The following RHBDL3 variants were observed in gnomAD, a reference collection of about 807,000 sequenced individuals.
The protein encoded by RHBDL3 is rhomboid like 3.
RHBDL3 carries 28 observed loss-of-function variants against 48.2 expected under a neutral mutation model. That is an observed-to-expected ratio of 0.58 (90% CI 0.43 to 0.80). The LOEUF is 0.80. Among genes scored for constraint, RHBDL3 ranks in the 30% least tolerant of loss-of-function variants. The probability of loss-of-function intolerance (pLI) is 0.00; values close to 1 mark genes in which losing one functional copy is unlikely to be tolerated. For synonymous variants in RHBDL3, 208 were observed against 232.3 expected (o/e 0.90, Z 0.95); for missense variants, 464 against 542.7 (o/e 0.85, Z 1.44).
At chr17:32,310,721 AT>A (rs1467460215) in intron 7 of RHBDL3, among the ~76,000 whole-genome samples, 40,180 of 100,612 alleles carry the variant, frequency 0.4, 7,520 homozygotes, top group Non-Finnish European at 0.46. Context: ...TAAAAAAAAT[AT>A]ATATATAAAA....
At position 32,322,078 on chromosome 17, in the gene RHBDL3, G is replaced by A. The variant is rs914298925; in HGVS notation, c.*849G>A. The A allele has an allele frequency of 3.3e-5, 5 of 153,074 alleles. No homozygotes were observed. Among genetic ancestry groups the A allele is most frequent in the African/African-American group, 9.7e-5 (4 of 41,428 alleles). 9.5% of individuals were successfully genotyped at this position (153,074 alleles called of 1,614,324 possible). A position where few individuals can be genotyped will look rare whatever the true frequency, so the allele number is the denominator to read the frequency against. The stretch of plus-strand genomic sequence containing the variant: ...CCTTTTGCTGCCCTGACACTACTTT[G>A]TGCCTCTCTTTGGTTATGGAGACAG... On this transcript the variant is annotated 3_prime_UTR_variant, in exon 9 of 9. Coordinates refer to ENST00000269051, the MANE Select transcript of RHBDL3 (RefSeq NM_138328.3).
chr17:32,321,350 C>G lies in RHBDL3; in HGVS notation c.*121C>G. The G allele has an allele frequency of 6.4e-7, 1 of 1,551,010 alleles. No homozygotes were observed. Among genetic ancestry groups the G allele is most frequent in the South Asian group, 1.2e-5 (1 of 85,224 alleles). The stretch of plus-strand genomic sequence containing the variant: ...GCAGACAAGGACAGAAGACTCTGGG[C>G]CACTGTAATGTTTGTGTTTAGATTT... On this transcript the variant is annotated 3_prime_UTR_variant, in exon 9 of 9. Coordinates refer to ENST00000269051, the MANE Select transcript of RHBDL3 (RefSeq NM_138328.3).
chr17:32,318,325 T>TAAA (rs756087293), intron 8 of RHBDL3, among the ~76,000 whole-genome samples: 59 of 144,740 alleles, frequency 4.1e-4, no homozygotes, highest in African/African-American at 1.5e-3. Context: ...GACCTTGCCT[T>TAAA]AAAAAAAAAA....
chr17:32,298,356 C>G, intron 6 of RHBDL3, 152 bp downstream of exon 6: 1 of 571,014 alleles, frequency 1.8e-6, no homozygotes, highest in South Asian at 2.2e-5. Context: ...TCCAGGCACA[C>G]CCACCTCCCT....
chr17:32,308,155 A>T (rs2040754172), intron 7 of RHBDL3, among the ~76,000 whole-genome samples: 1 of 152,176 alleles, frequency 6.6e-6, no homozygotes, highest in Non-Finnish European at 1.5e-5. Context: ...TCTGTCAAGT[A>T]GCCCATGGCC....
chr17:32,321,655 C>T lies in RHBDL3; in HGVS notation c.*426C>T, dbSNP rs2041137685. The T allele has an allele frequency of 1.6e-5, 5 of 310,622 alleles. No individual in the cohort carries two copies. The highest frequency in any genetic ancestry group is 1.6e-4 in the South Asian group (5 of 31,828). The allele number at this position is 310,622 out of a possible 1,614,324, so 19.2% of individuals were successfully genotyped here. ...AAGGTTGTTGCGTCCAGGCATGGCC[C>T]CTCTCTAGCTCAGAAATAATTGCAG... On this transcript the variant is annotated 3_prime_UTR_variant, in exon 9 of 9. Coordinates refer to ENST00000269051, the MANE Select transcript of RHBDL3 (RefSeq NM_138328.3).
intron 7 of RHBDL3, among the ~76,000 whole-genome samples, chr17:32,311,022 C>T (rs1012421677): frequency 9.2e-5 from 14 of 152,042 alleles, no homozygotes; most frequent in African/African-American, 2.9e-4. Flanking sequence ...CACAAGAAAC[C>T]GTTTCTACCA....
intron 2 of RHBDL3, among the ~76,000 whole-genome samples, chr17:32,272,219 C>T (rs1249240361): frequency 6.6e-6 from 1 of 152,212 alleles, no homozygotes; most frequent in Non-Finnish European, 1.5e-5. Context: ...AGATCCAGGC[C>T]CCTACGGGGA....
intron 2 of RHBDL3, among the ~76,000 whole-genome samples, chr17:32,271,178 T>C (rs1205146388): frequency 3.3e-5 from 5 of 152,246 alleles, no homozygotes; most frequent in Admixed American, 2.0e-4. Context: ...TATGCCCTTT[T>C]ATTTCCTACT....
Position 32,298,077 on chromosome 17 carries a change from G to C in RHBDL3, c.669-15G>C. The C allele has an allele frequency of 6.5e-7, 1 of 1,535,886 alleles. No homozygotes were observed. The highest frequency in any genetic ancestry group is 9.0e-7 in the Non-Finnish European group (1 of 1,110,244). On this transcript the variant is annotated splice_polypyrimidine_tract_variant and intron_variant, in intron 5 of 8. Coordinates refer to ENST00000269051, the MANE Select transcript of RHBDL3 (RefSeq NM_138328.3). ...ATGAATAGATGAATGAGTGAGTGTG[G>C]TCTCTCTGTCACAGGATAGAACACC...
intron 6 of RHBDL3, among the ~76,000 whole-genome samples, chr17:32,298,799 C>G (rs2040514953): frequency 2.0e-5 from 3 of 152,244 alleles, no homozygotes; most frequent in African/African-American, 7.2e-5. Flanking sequence ...AGGCAGTGAG[C>G]CCTGGCTCCA....
chr17:32,293,725 C>G (rs1309686331), intron 4 of RHBDL3, among the ~76,000 whole-genome samples: 1 of 152,128 alleles, frequency 6.6e-6, no homozygotes, highest in African/African-American at 2.4e-5. Flanking sequence ...TCAAAATCCT[C>G]CAAATCCTTT....
At chr17:32,279,432 G>T (rs758763365) in intron 2 of RHBDL3, among the ~76,000 whole-genome samples, 1 of 152,094 alleles carries the variant, frequency 6.6e-6, no homozygotes, top group African/African-American at 2.4e-5. Context: ...ACTCTGCAGC[G>T]TAGTTTGAAA....
intron 2 of RHBDL3, 58 bp downstream of exon 2, chr17:32,267,983 C>T: frequency 1.4e-6 from 2 of 1,382,438 alleles, no homozygotes; most frequent in South Asian, 1.2e-5. Flanking sequence ...CGGTCTCAGT[C>T]TCCCTGCTTG....
chr17:32,297,082 C>T (rs2040468577), intron 5 of RHBDL3, among the ~76,000 whole-genome samples: 1 of 151,818 alleles, frequency 6.6e-6, no homozygotes, highest in Non-Finnish European at 1.5e-5. Flanking sequence ...AACTCCTGAC[C>T]TCAGGTGATC....
chr17:32,274,146 T>G (rs138596023), intron 2 of RHBDL3, among the ~76,000 whole-genome samples: 2 of 152,184 alleles, frequency 1.3e-5, no homozygotes, highest in African/African-American at 4.8e-5. Context: ...CCCTGAACTT[T>G]CCAGAGAGAA....
intron 7 of RHBDL3, among the ~76,000 whole-genome samples, chr17:32,315,226 G>A (rs1212396174): frequency 1.3e-5 from 2 of 152,244 alleles, no homozygotes; most frequent in African/African-American, 4.8e-5. Flanking sequence ...AGCAAAGGCA[G>A]ATTGGGTGGT....
At chr17:32,290,071 T>C (rs1386235645) in intron 4 of RHBDL3, among the ~76,000 whole-genome samples, 1 of 152,142 alleles carries the variant, frequency 6.6e-6, no homozygotes, top group Non-Finnish European at 1.5e-5. Context: ...GGCCCAATAA[T>C]AACGAGATGC....
intron 8 of RHBDL3, among the ~76,000 whole-genome samples, chr17:32,317,624 T>A (rs1428671915): frequency 6.6e-6 from 1 of 152,146 alleles, no homozygotes; most frequent in East Asian, 1.9e-4. Flanking sequence ...ACCAAGAAAT[T>A]CGTTTTGGGA....
Sources: gnomAD v4.1 joint callset for allele counts (sites outside exome capture counted in the v4.1 genomes callset) on GRCh38, gnomAD v4.1.1 for gene constraint, MANE v1.5 for transcripts, NCBI Gene and HGNC (gene_info 2026-07-23, HGNC 2026-07-21) for gene names.